Variants in KIAA0825 observed in about 807,000 individuals in gnomAD.
KIAA0825 encodes the protein KIAA0825, also known as uncharacterized protein KIAA0825.
In KIAA0825, 119 loss-of-function variants were observed where a neutral mutation model predicts 147.6. That is an observed-to-expected ratio of 0.81 (90% CI 0.69 to 0.94). The LOEUF (loss-of-function observed/expected upper bound fraction) is 0.94, where lower values mean the gene tolerates loss of function less well. Ranked by LOEUF, KIAA0825 falls within the 40% of genes least tolerant of loss-of-function variation. KIAA0825 has a pLI of 0.00. For missense variants in KIAA0825, 1,381 were observed against 1,472.7 expected, an observed-to-expected ratio of 0.94 and a Z score of 1.02; for synonymous variants, 470 against 518.1, an observed-to-expected ratio of 0.91 and a Z score of 1.26.
At chr5:94,358,824 T>C (rs556891958) in intron 20 of KIAA0825, among the ~76,000 whole-genome samples, 11 of 152,254 alleles carry the variant, frequency 7.2e-5, no homozygotes, top group Non-Finnish European at 1.6e-4. Flanking sequence ...GAAATTATTA[T>C]GTTTACACAT....
intron 20 of KIAA0825, among the ~76,000 whole-genome samples, chr5:94,213,733 T>G (rs1258706031): frequency 4.6e-5 from 7 of 152,206 alleles, no homozygotes; most frequent in Admixed American, 6.5e-5. Flanking sequence ...CATCTTCACC[T>G]TCACATCTCT....
intron 20 of KIAA0825, among the ~76,000 whole-genome samples, chr5:94,372,817 C>G (rs573315257): frequency 7.9e-5 from 12 of 152,332 alleles, no homozygotes; most frequent in African/African-American, 2.2e-4. Flanking sequence ...ATGGGGTTTT[C>G]TTTTCTATTG....
intron 12 of KIAA0825, among the ~76,000 whole-genome samples, chr5:94,453,339 ATTTTTTTTT>A (rs563316235): frequency 8.5e-6 from 1 of 118,212 alleles, no homozygotes; most frequent in African/African-American, 3.3e-5. Flanking sequence ...CGTGTGGCTG[ATTTTTTTTT>A]TTTTTTTTTT....
intron 1 of KIAA0825, among the ~76,000 whole-genome samples, chr5:94,583,027 T>C (rs1782513134): frequency 6.6e-6 from 1 of 152,202 alleles, no homozygotes; most frequent in African/African-American, 2.4e-5. Context: ...GTGATCCTGT[T>C]AAAAACAGAT....
intron 5 of KIAA0825, among the ~76,000 whole-genome samples, chr5:94,485,469 T>C (rs1292240210): frequency 1.3e-5 from 2 of 151,908 alleles, no homozygotes; most frequent in Non-Finnish European, 3.0e-5. Flanking sequence ...GACTGAAGTC[T>C]ACTATGCAAT....
intron 4 of KIAA0825, 110 bp from the exon 5 acceptor site, chr5:94,521,027 T>C: frequency 1.1e-6 from 1 of 947,046 alleles, no homozygotes. Flanking sequence ...ACTCTAAAAT[T>C]CCTTAAGATT....
In KIAA0825 at chr5:94,439,948, T is replaced by C. The variant is rs991049000; in HGVS notation, c.2497+34A>G. 3.3e-6 allele frequency: 5 copies of C among 1,527,034 alleles called. No homozygotes were observed. The African/African-American group carries it at 6.9e-5, about 21-fold the overall frequency. The allele number at this position is 1,527,034 out of a possible 1,614,324, so 94.6% of individuals were successfully genotyped here. On this transcript the variant is annotated intron_variant, in intron 14 of 20. Coordinates refer to ENST00000682413, the MANE Select transcript of KIAA0825 (RefSeq NM_001145678.3). ...ATTCAACTCGAGCAATGACTAGGTT[T>C]TTCGAGGACATTCTTATAACTACAC...
In KIAA0825 at chr5:94,547,082, T is replaced by C. The variant is rs76310084; in HGVS notation, c.-1-9955A>G. 4.4e-3 allele frequency among the ~76,000 whole-genome samples: 663 copies of C among 151,804 alleles called. 2 individuals are homozygous for C. The highest frequency in any genetic ancestry group is 6.8e-3 in the Non-Finnish European group (460 of 67,930). ...TGTAATTGACATACTGAAGAGAGCA[T>C]TGGAGTCTCATAAAAGCAGAATTGA... On this transcript the variant is annotated intron_variant, in intron 2 of 20. Coordinates refer to ENST00000682413, the MANE Select transcript of KIAA0825 (RefSeq NM_001145678.3).
At chr5:94,311,358 C>A (rs2150205890) in intron 20 of KIAA0825, among the ~76,000 whole-genome samples, 1 of 151,142 alleles carries the variant, frequency 6.6e-6, no homozygotes, top group East Asian at 2.0e-4. Flanking sequence ...AACTATATTT[C>A]TTATATATGG....
At chr5:94,312,039 T>C (rs1412567463) in intron 20 of KIAA0825, among the ~76,000 whole-genome samples, 1 of 151,668 alleles carries the variant, frequency 6.6e-6, no homozygotes, top group Non-Finnish European at 1.5e-5. Flanking sequence ...CAAAGGTCTA[T>C]GCTGTGGACG....
Position 94,210,925 on chromosome 5 carries a change from C to G in KIAA0825, c.3711-56801G>C, listed in dbSNP as rs182632424. ...TGTACAAGTAAAAGAATGCCTGACACTTTAATTATTTTAAACATGATAGTG... is the reference window on the plus strand; with the variant it reads ...TGTACAAGTAAAAGAATGCCTGACAGTTTAATTATTTTAAACATGATAGTG... On this transcript the variant is annotated intron_variant, in intron 20 of 20. Coordinates refer to ENST00000682413, the MANE Select transcript of KIAA0825 (RefSeq NM_001145678.3). 3.9e-5 allele frequency among the ~76,000 whole-genome samples: 6 copies of G among 152,236 alleles called. No homozygotes were observed. In the East Asian group the frequency reaches 1.2e-3, roughly 29 times the overall value.
At chr5:94,242,889 G>T (rs1775424566) in intron 20 of KIAA0825, among the ~76,000 whole-genome samples, 1 of 152,094 alleles carries the variant, frequency 6.6e-6, no homozygotes, top group East Asian at 1.9e-4. Flanking sequence ...TCAAAGTGCT[G>T]GGATTACAGG....
At chr5:94,558,967 T>C (rs1777068279) in intron 2 of KIAA0825, among the ~76,000 whole-genome samples, 1 of 152,192 alleles carries the variant, frequency 6.6e-6, no homozygotes, top group South Asian at 2.1e-4. Flanking sequence ...ATCATACTTC[T>C]GCATGACTGT....
At chr5:94,278,537 A>T (rs1367536499) in intron 20 of KIAA0825, among the ~76,000 whole-genome samples, 5 of 152,070 alleles carry the variant, frequency 3.3e-5, no homozygotes, top group South Asian at 2.1e-4. Context: ...GGGATTTTTT[A>T]AAAAATGACA....
chr5:94,222,503 G>A (rs953612426), intron 20 of KIAA0825, among the ~76,000 whole-genome samples: 4 of 152,142 alleles, frequency 2.6e-5, no homozygotes, highest in African/African-American at 7.2e-5. Context: ...TGGCAGAAGA[G>A]TGATATAGAA....
At chr5:94,315,126 T>C (rs2150221266) in intron 20 of KIAA0825, among the ~76,000 whole-genome samples, 1 of 151,830 alleles carries the variant, frequency 6.6e-6, no homozygotes, top group Non-Finnish European at 1.5e-5. Context: ...TCATATCTAA[T>C]GATGAATGCA....
intron 16 of KIAA0825, among the ~76,000 whole-genome samples, chr5:94,401,599 C>T (rs1341990937): frequency 6.6e-6 from 1 of 152,164 alleles, no homozygotes; most frequent in Admixed American, 6.6e-5. Context: ...TCCTCACATA[C>T]TGTCCTCAAC....
chr5:94,360,730 G>A (rs1236394268), intron 20 of KIAA0825, among the ~76,000 whole-genome samples: 2 of 152,154 alleles, frequency 1.3e-5, no homozygotes, highest in East Asian at 1.9e-4. Context: ...GAAAACTTAC[G>A]AATAATCTAC....
intron 20 of KIAA0825, among the ~76,000 whole-genome samples, chr5:94,313,277 A>G (rs939120006): frequency 2.0e-5 from 3 of 151,658 alleles, no homozygotes; most frequent in Non-Finnish European, 4.4e-5. Context: ...GTCCAATCCA[A>G]CTGCTTTCAG....
Sources: allele counts gnomAD v4.1 joint callset (sites outside exome capture counted in the v4.1 genomes callset), GRCh38; gene constraint gnomAD v4.1.1; transcripts MANE v1.5; gene names NCBI Gene and HGNC (gene_info 2026-07-23, HGNC 2026-07-21).